KCNH7: variants seen among roughly 807,000 people sequenced by gnomAD.
KCNH7 encodes voltage-gated inwardly rectifying potassium channel KCNH7.
Under a neutral mutation model 120.8 loss-of-function variants are expected in KCNH7, and 49 were observed. The observed-to-expected ratio is 0.41, with a 90% CI of 0.32 to 0.51. The LOEUF is 0.51. KCNH7 is among the 20% of genes least tolerant of loss of function. KCNH7 has a pLI of 0.38. For synonymous variants in KCNH7, 547 were observed against 516.1 expected, an observed-to-expected ratio of 1.06 and a Z score of -0.81; for missense variants, 1,097 against 1,446.6, an observed-to-expected ratio of 0.76 and a Z score of 3.92.
chr2:162,384,754 C>G lies in KCNH7; in HGVS notation c.2896G>C (p.Asp966His). 6.2e-7 allele frequency: 1 copy of G among 1,612,616 alleles called. No homozygotes were observed. Among genetic ancestry groups the G allele is most frequent in the African/African-American group, 1.3e-5 (1 of 74,920 alleles). The change falls in exon 13 of 16, where the codon GAT becomes CAT. Residue 966 changes from aspartate to histidine, a missense_variant. By Grantham distance (81) the Asp-to-His change is moderately conservative. Coordinates refer to ENST00000332142, the MANE Select transcript of KCNH7 (RefSeq NM_033272.4). ...GAGGTGGGCACTGTTTCTTCAAAAT[C>G]GAGCCCAGATGCTTTCCCTATTCCT... ...SPGIGKASGL[D>H]FEETVPTSGR...
At chr2:162,527,129 A>G (rs1472304093) in intron 3 of KCNH7, among the ~76,000 whole-genome samples, 5 of 151,936 alleles carry the variant, frequency 3.3e-5, no homozygotes, top group Non-Finnish European at 5.9e-5. Context: ...GGGGTGGGAG[A>G]GGCACATGAC....
chr2:162,736,047 GAATAAT>G (rs1687896186), intron 2 of KCNH7, among the ~76,000 whole-genome samples: 1 of 152,148 alleles, frequency 6.6e-6, no homozygotes, highest in African/African-American at 2.4e-5. Context: ...TGTTGATGAT[GAATAAT>G]AATACATATA....
At chr2:162,381,229 A>C (rs1686408891) in intron 13 of KCNH7, among the ~76,000 whole-genome samples, 1 of 152,164 alleles carries the variant, frequency 6.6e-6, no homozygotes. Flanking sequence ...ACTTAAAAAA[A>C]ACTTGACAAG....
chr2:162,444,263 C>T (rs935169651), intron 7 of KCNH7, among the ~76,000 whole-genome samples: 1 of 152,140 alleles, frequency 6.6e-6, no homozygotes, highest in Non-Finnish European at 1.5e-5. Context: ...TGATTTACTT[C>T]TGAATCTCTA....
intron 2 of KCNH7, among the ~76,000 whole-genome samples, chr2:162,673,194 G>T (rs1247672129): frequency 6.6e-6 from 1 of 151,860 alleles, no homozygotes; most frequent in Non-Finnish European, 1.5e-5. Context: ...GACTACAATT[G>T]TACTGATGCC....
rs180877838 is a variant in KCNH7 at position 162,420,328 on chromosome 2, A to G, written c.2154+3008T>C. ...GAGGTGGAGGTTGCAGTGAGCCTAG[A>G]TGGCACTGCTGCACTCTAGGCTGGG... On this transcript the variant is annotated intron_variant, in intron 9 of 15. Coordinates refer to ENST00000332142, the MANE Select transcript of KCNH7 (RefSeq NM_033272.4). Among the ~76,000 whole-genome samples the G allele has an allele frequency of 3.5e-3, 537 of 152,290 alleles. 5 individuals are homozygous for G. Among genetic ancestry groups the G allele is most frequent in the African/African-American group, 0.012 (506 of 41,568 alleles).
chr2:162,405,425 G>T (rs911030382), intron 9 of KCNH7, among the ~76,000 whole-genome samples: 2 of 151,714 alleles, frequency 1.3e-5, no homozygotes, highest in African/African-American at 4.8e-5. Context: ...ACTCATAAAA[G>T]ATATCACACA....
intron 2 of KCNH7, among the ~76,000 whole-genome samples, chr2:162,552,084 C>T (rs1692687227): frequency 6.6e-6 from 1 of 152,150 alleles, no homozygotes; most frequent in Non-Finnish European, 1.5e-5. Flanking sequence ...TCTGGCCCTA[C>T]CATTGTGGTA....
chr2:162,775,834 G>A (rs907453185), intron 2 of KCNH7, among the ~76,000 whole-genome samples: 1 of 152,162 alleles, frequency 6.6e-6, no homozygotes, highest in Non-Finnish European at 1.5e-5. Flanking sequence ...CATGTTGAGA[G>A]TGGATTCAGC....
intron 9 of KCNH7, among the ~76,000 whole-genome samples, chr2:162,421,517 GAACT>G (rs1687708914): frequency 1.3e-5 from 2 of 152,098 alleles, no homozygotes; most frequent in Non-Finnish European, 2.9e-5. Context: ...AAAAAGTTCA[GAACT>G]AACACTGGAA....
rs188964142 is a variant in KCNH7, at chr2:162,668,361, G to A, written c.308-131281C>T. On this transcript the variant is annotated intron_variant, in intron 2 of 15. Coordinates refer to ENST00000332142, the MANE Select transcript of KCNH7 (RefSeq NM_033272.4). ...GAAACTTAGAGCCTCAAGAGACTAT[G>A]CTTCCAGTAAACTACACTCAACAGA... is the stretch of plus-strand genomic sequence containing the variant. Among the ~76,000 whole-genome samples the A allele has an allele frequency of 1.3e-5, 2 of 152,250 alleles. 1 individual carries two copies. Among genetic ancestry groups the A allele is most frequent in the East Asian group, 3.9e-4 (2 of 5,174 alleles).
chr2:162,706,345 G>T (rs571892016), intron 2 of KCNH7, among the ~76,000 whole-genome samples: 1 of 152,066 alleles, frequency 6.6e-6, no homozygotes, highest in African/African-American at 2.4e-5. Context: ...AATGATGGTG[G>T]TGTTGTTATT....
chr2:162,735,820 T>C (rs1687885590), intron 2 of KCNH7, among the ~76,000 whole-genome samples: 1 of 152,178 alleles, frequency 6.6e-6, no homozygotes, highest in East Asian at 1.9e-4. Context: ...CTTGCTGTTC[T>C]CAGTGCATTG....
At chr2:162,731,113 A>G (rs918094114) in intron 2 of KCNH7, among the ~76,000 whole-genome samples, 5 of 151,526 alleles carry the variant, frequency 3.3e-5, no homozygotes, top group African/African-American at 1.2e-4. Flanking sequence ...CTCTATCAGA[A>G]AAAGAAAACA....
chr2:162,775,784 A>G (rs1683213189), intron 2 of KCNH7, among the ~76,000 whole-genome samples: 1 of 152,204 alleles, frequency 6.6e-6, no homozygotes, highest in Non-Finnish European at 1.5e-5. Flanking sequence ...TAGTGGCATA[A>G]GTGAATATAG....
intron 2 of KCNH7, among the ~76,000 whole-genome samples, chr2:162,812,432 A>C (rs946894977): frequency 1.1e-4 from 16 of 152,146 alleles, no homozygotes; most frequent in Admixed American, 2.0e-4. Context: ...GAAAGAAAGC[A>C]AAAGTAGAGA....
intron 2 of KCNH7, among the ~76,000 whole-genome samples, chr2:162,583,826 G>A (rs1574133788): frequency 6.6e-6 from 1 of 152,146 alleles, no homozygotes; most frequent in African/African-American, 2.4e-5. Context: ...GTCCTTAAAA[G>A]AGCAAACAGG....
intron 2 of KCNH7, among the ~76,000 whole-genome samples, chr2:162,653,700 G>T (rs1427280997): frequency 6.6e-6 from 1 of 152,086 alleles, no homozygotes; most frequent in East Asian, 1.9e-4. Context: ...AAGGTATCTT[G>T]AGTAAAAAGA....
intron 6 of KCNH7, among the ~76,000 whole-genome samples, chr2:162,495,685 T>A (rs767512427): frequency 6.6e-6 from 1 of 152,194 alleles, no homozygotes; most frequent in Non-Finnish European, 1.5e-5. Flanking sequence ...TCTCATCAGT[T>A]GTTTTCAAGC....
Sources: gnomAD v4.1 joint callset for allele counts (sites outside exome capture counted in the v4.1 genomes callset) on GRCh38, gnomAD v4.1.1 for gene constraint, MANE v1.5 for transcripts, NCBI Gene and HGNC (gene_info 2026-07-23, HGNC 2026-07-21) for gene names.